The following C11orf16 variants were observed in gnomAD, a reference collection of about 807,000 sequenced individuals.
C11orf16 encodes the protein uncharacterized protein C11orf16.
C11orf16 carries 38 observed loss-of-function variants against 45.1 expected under a neutral mutation model. The ratio of observed to expected loss-of-function variants is 0.84; its 90% CI spans 0.65 to 1.10. The LOEUF (loss-of-function observed/expected upper bound fraction) is 1.10, where lower values mean the gene tolerates loss of function less well. C11orf16 is among the 50% of genes least tolerant of loss of function. The probability of loss-of-function intolerance (pLI) is 0.00; values close to 1 mark genes in which losing one functional copy is unlikely to be tolerated. For missense variants in C11orf16, 583 were observed against 569.5 expected (o/e 1.02, Z -0.24); for synonymous variants, 221 against 222.0 (o/e 1.00, Z 0.04).
Position 8,925,990 on chromosome 11 carries a change from T to C in C11orf16, c.677A>G (p.His226Arg), listed in dbSNP as rs1191790219. 1.2e-6 allele frequency: 2 copies of C among 1,613,974 alleles called. No individual in the cohort carries two copies. Among genetic ancestry groups the C allele is most frequent in the South Asian group, 2.2e-5 (2 of 91,074 alleles). ...TIWKKAVERL[H>R]KSFTREHPRP... ...GGGGTGCTCCCTGGTGAAAGACTTG[T>C]GCAGCCTCTCCACAGCCTTCTTCCA... is the stretch of plus-strand genomic sequence containing the variant. The change falls in exon 5 of 7, where the codon CAC becomes CGC. Residue 226 changes from histidine to arginine, a missense_variant. By Grantham distance (29) the His-to-Arg change is conservative (BLOSUM62 0). Transcript: ENST00000326053.
In C11orf16 at chr11:8,927,160, C is replaced by A. The variant is rs777698375; in HGVS notation, c.339G>T (p.Gly113=). ...GAGCCTCGAATTCCACAAGCAGGAC[C>A]CCCTGTCTCTCCAGCTGTGGGAAAG... ...IKATPELERQ[G]VLLVEFEAPL... is the part of the protein sequence containing the mutation. The change falls in exon 4 of 7, where the codon GGG becomes GGT. Residue 113 remains glycine, a synonymous_variant. Transcript: ENST00000326053. The A allele has an allele frequency of 8.7e-6, 14 of 1,613,532 alleles. No homozygotes were observed. The highest frequency in any genetic ancestry group is 1.0e-5 in the Non-Finnish European group (12 of 1,179,782).
chr11:8,922,433 A>G (rs2134830611), intron 5 of C11orf16, among the ~76,000 whole-genome samples: 1 of 152,314 alleles, frequency 6.6e-6, no homozygotes, highest in Middle Eastern at 3.4e-3. Flanking sequence ...TTCCTGAGGA[A>G]TAGACCAATC....
Position 8,927,041 on chromosome 11 carries a change from A to C in C11orf16, c.458T>G (p.Leu153Arg). 1.9e-6 allele frequency: 3 copies of C among 1,614,016 alleles called. No homozygotes were observed. Among genetic ancestry groups the C allele is most frequent in the Non-Finnish European group, 2.5e-6 (3 of 1,180,008 alleles). Residue 153 changes from leucine (L) to arginine (R), a missense_variant, in exon 4 of 7, where the codon CTG becomes CGG. Coordinates refer to ENST00000326053, the MANE Select transcript of C11orf16 (RefSeq NM_020643.3). ...TGCCAGCACCTTATCCCCTGGTCTC[A>C]GTGAGTATCCTACAGATGGTGAGAG... ...IPLSPSVGYS[L>R]RPGDKVLALW...
At position 8,929,381 on chromosome 11, in the gene C11orf16, G is replaced by A; in HGVS notation, c.320C>T (p.Pro107Leu). 6.2e-7 allele frequency: 1 copy of A among 1,613,672 alleles called. No homozygotes were observed. Among genetic ancestry groups the A allele is most frequent in the South Asian group, 1.1e-5 (1 of 90,998 alleles). Reference protein sequence around the residue: ...FYYRAQIKATPELERQGVLLV... With the variant: ...FYYRAQIKATLELERQGVLLV... ...ATACTGGGGTCAGGGACTTGCCTCG[G>A]GAGTGGCCTTTATTTGGGCCCGGTA... The change falls in exon 3 of 7, where the codon CCC (proline) becomes CTC (leucine). Residue 107 changes from proline to leucine, a missense_variant. Physicochemically the swap from Pro to Leu is moderately conservative, Grantham distance 98. Transcript: ENST00000326053.
rs2064560343 is a variant in C11orf16, at chr11:8,920,257, G to A, written c.*216C>T. ...GCCCTGGCAGGGAGCCCCAGGGCAG[G>A]ATCCCACATTCCTATAGCCCTCACA... On this transcript the variant is annotated 3_prime_UTR_variant, in exon 7 of 7. Coordinates refer to ENST00000326053, the MANE Select transcript of C11orf16 (RefSeq NM_020643.3). 2.4e-6 allele frequency: 1 copy of A among 420,816 alleles called. No individual in the cohort carries two copies. The highest frequency in any genetic ancestry group is 4.2e-6 in the Non-Finnish European group (1 of 239,522). The allele number at this position is 420,816 out of a possible 1,614,324, so 26.1% of individuals were successfully genotyped here.
rs139463976 is a variant in C11orf16 at position 8,926,093 on chromosome 11, C to A, written c.574G>T (p.Glu192Ter). 3.1e-4 allele frequency: 491 copies of A among 1,595,220 alleles called. No individual in the cohort carries two copies. Among genetic ancestry groups the A allele is most frequent in the Non-Finnish European group, 4.0e-4 (469 of 1,167,918 alleles). Reference sequence around the variant, plus strand: ...CCATTCCAGAAATGAACAGTGATTTCTTTTTCCTTTGATGCTACATAACAA... The same window carrying A: ...CCATTCCAGAAATGAACAGTGATTTATTTTTCCTTTGATGCTACATAACAA... ...RDPQRASKEK[E>*]ITVHFWNGKA... The change falls in exon 5 of 7, where the codon GAA (glutamate) becomes TAA (stop). Residue 192 changes from glutamate to a stop codon, truncating the protein, a stop_gained. Coordinates refer to ENST00000326053, the MANE Select transcript of C11orf16 (RefSeq NM_020643.3). LOFTEE classifies it high-confidence loss of function.
At chr11:8,930,137 G>A (rs935405786) in intron 2 of C11orf16, among the ~76,000 whole-genome samples, 6 of 149,316 alleles carry the variant, frequency 4.0e-5, no homozygotes, top group Non-Finnish European at 7.4e-5. Context: ...GAAAAGAAAA[G>A]AGTGCCAGGG....
Position 8,926,009 on chromosome 11 carries a change from T to C in C11orf16, c.658A>G (p.Lys220Glu). The change falls in exon 5 of 7, where the codon AAG becomes GAG. Residue 220 changes from lysine to glutamate, a missense_variant. Lys to Glu is a moderately conservative substitution (Grantham distance 56, BLOSUM62 1). Transcript: ENST00000326053. ...VQSVSLTIWK[K>E]AVERLHKSFT... ...GACTTGTGCAGCCTCTCCACAGCCTTCTTCCAGATGGTCAGGGACACCGAC... is the reference window on the plus strand; with the variant it reads ...GACTTGTGCAGCCTCTCCACAGCCTCCTTCCAGATGGTCAGGGACACCGAC... 2 of 1,614,148 alleles carry C rather than the reference T, an allele frequency of 1.2e-6. No individual in the cohort carries two copies. The highest frequency in any genetic ancestry group is 1.7e-6 in the Non-Finnish European group (2 of 1,180,026).
chr11:8,929,681 TC>T (rs1233826262), intron 2 of C11orf16, 148 bp from the exon 3 acceptor site: 1 of 794,764 alleles, frequency 1.3e-6, no homozygotes, highest in Non-Finnish European at 1.9e-6. Context: ...ATCTATGACT[TC>T]CGGAAGGATA....
intron 3 of C11orf16, 131 bp downstream of exon 3, chr11:8,929,246 A>T: frequency 2.1e-6 from 2 of 948,618 alleles, no homozygotes; most frequent in Non-Finnish European, 1.5e-6. Flanking sequence ...GTTCACTTCT[A>T]CAACATGGCC....
rs146225801 is a variant in C11orf16, at chr11:8,926,976, C to T, written c.523G>A (p.Val175Ile). Residue 175 changes from valine to isoleucine, a missense_variant, in exon 4 of 7, where the codon GTT becomes ATT. By Grantham distance (29) the Val-to-Ile change is conservative. Coordinates refer to ENST00000326053, the MANE Select transcript of C11orf16 (RefSeq NM_020643.3). ...TCTCTCATCTCCAAGCCCAAAAGAA[C>T]AGTGCCAGGGCCATACTGCTGTTGG... Reference protein sequence around the residue: ...PGQQQYGPGTVLLGLEMRDPQ... With the variant: ...PGQQQYGPGTILLGLEMRDPQ... 6.2e-7 allele frequency: 1 copy of T among 1,614,052 alleles called. No homozygotes were observed. The highest frequency in any genetic ancestry group is 8.5e-7 in the Non-Finnish European group (1 of 1,180,034).
chr11:8,929,052 G>A (rs2064633375), intron 3 of C11orf16: 1 of 242,270 alleles, frequency 4.1e-6, no homozygotes, highest in South Asian at 9.2e-5. Flanking sequence ...CAAGCCATGA[G>A]AAGCCAGAAG....
chr11:8,931,680 A>G (rs1259529791), intron 2 of C11orf16, among the ~76,000 whole-genome samples: 1 of 151,950 alleles, frequency 6.6e-6, no homozygotes, highest in Non-Finnish European at 1.5e-5. Flanking sequence ...ATGAGCCACC[A>G]TGCCCAGCCA....
At chr11:8,926,247 TAGCTC>T in intron 4 of C11orf16, 140 bp from the exon 5 acceptor site, 1 of 830,156 alleles carries the variant, frequency 1.2e-6, no homozygotes, top group South Asian at 2.0e-5. Flanking sequence ...GGCACAGTGA[TAGCTC>T]ACTGCAGCCT....
chr11:8,929,395 T>G lies in C11orf16; in HGVS notation c.306A>C (p.Gln102His). The change falls in exon 3 of 7, where the codon CAA becomes CAC. Residue 102 changes from glutamine to histidine, a missense_variant. Gln to His is a conservative substitution (Grantham distance 24, BLOSUM62 0). Transcript: ENST00000326053. ...READGFYYRA[Q>H]IKATPELERQ... is the part of the protein sequence containing the mutation. Reference sequence around the variant, plus strand: ...GACTTGCCTCGGGAGTGGCCTTTATTTGGGCCCGGTAGTAAAAACCATCTG... The same window carrying G: ...GACTTGCCTCGGGAGTGGCCTTTATGTGGGCCCGGTAGTAAAAACCATCTG... 1.2e-6 allele frequency: 2 copies of G among 1,613,984 alleles called. No individual in the cohort carries two copies. The highest frequency in any genetic ancestry group is 1.7e-6 in the Non-Finnish European group (2 of 1,179,926).
chr11:8,921,571 G>C, intron 5 of C11orf16, 56 bp from the exon 6 acceptor site: 1 of 1,449,864 alleles, frequency 6.9e-7, no homozygotes, highest in Non-Finnish European at 9.7e-7. Flanking sequence ...GATGGCATAA[G>C]TAGAACTAAA....
chr11:8,926,156 CT>C (rs752204330), intron 4 of C11orf16, 49 bp from the exon 5 acceptor site: 31 of 1,317,382 alleles, frequency 2.4e-5, no homozygotes, highest in African/African-American at 6.0e-5. Context: ...CAATTATCTC[CT>C]TTTTTTTCTT....
chr11:8,920,929 A>T (rs566037731), intron 6 of C11orf16, among the ~76,000 whole-genome samples: 1 of 152,304 alleles, frequency 6.6e-6, no homozygotes, highest in South Asian at 2.1e-4. Context: ...CATTTTGAAC[A>T]CAAACCTTTC....
At chr11:8,929,356 A>C (rs1226511282) in intron 3 of C11orf16, 21 bp downstream of exon 3, 1 of 1,610,382 alleles carries the variant, frequency 6.2e-7, no homozygotes, top group East Asian at 2.2e-5. Flanking sequence ...CGCCAGGGAG[A>C]TACTGGGGTC....
Sources: allele counts gnomAD v4.1 joint callset (sites outside exome capture counted in the v4.1 genomes callset), GRCh38; gene constraint gnomAD v4.1.1; transcripts MANE v1.5; gene names NCBI Gene and HGNC (gene_info 2026-07-23, HGNC 2026-07-21).